ZNF582: variants seen among roughly 807,000 people sequenced by gnomAD.
ZNF582 encodes zinc finger protein 582.
Under a neutral mutation model 12.3 loss-of-function variants are expected in ZNF582, and 14 were observed. That is an observed-to-expected ratio of 1.14 (90% CI 0.75 to 1.78). ZNF582 has a LOEUF of 1.78. Ranked by LOEUF, ZNF582 falls within the 40% of genes most tolerant of loss-of-function variation. The pLI, the probability that ZNF582 is intolerant of heterozygous loss-of-function variation, is 0.00. For missense variants in ZNF582, 567 were observed against 616.5 expected, an observed-to-expected ratio of 0.92 and a Z score of 0.85; for synonymous variants, 210 against 207.2, an observed-to-expected ratio of 1.01 and a Z score of -0.11.
intron 4 of ZNF582, among the ~76,000 whole-genome samples, chr19:56,388,797 T>A (rs1018535520): frequency 3.3e-5 from 5 of 152,140 alleles, no homozygotes; most frequent in African/African-American, 1.2e-4. Flanking sequence ...CACACCCGGC[T>A]AATTTTTGTG....
chr19:56,391,647 T>C, intron 2 of ZNF582, 97 bp downstream of exon 2: 1 of 1,107,862 alleles, frequency 9.0e-7, no homozygotes. Flanking sequence ...TTTTATTCCC[T>C]AAAATGGGAA....
At chr19:56,390,794 T>A (rs2042008672) in intron 2 of ZNF582, among the ~76,000 whole-genome samples, 1 of 152,210 alleles carries the variant, frequency 6.6e-6, no homozygotes. Context: ...TAAAGCACAC[T>A]GCCCACTCTA....
In ZNF582 at chr19:56,385,190, A is replaced by C. The variant is rs184672372; in HGVS notation, c.233-6T>G. 1.5e-4 allele frequency: 228 copies of C among 1,559,440 alleles called. No individual in the cohort carries two copies. In the African/African-American group the frequency reaches 2.6e-3, roughly 18 times the overall value. ...ATCATATCTGGACTCCAATACTAAG[A>C]ATGAAAAAAAGCGAATATGTTTGGC... On this transcript the variant is annotated splice_region_variant and splice_polypyrimidine_tract_variant and intron_variant, in intron 4 of 4. Coordinates refer to ENST00000586929, the Ensembl canonical transcript of ZNF582.
At chr19:56,385,312 G>A in intron 4 of ZNF582, 128 bp from the exon 5 acceptor site, 1 of 949,938 alleles carries the variant, frequency 1.1e-6, no homozygotes, top group Non-Finnish European at 1.5e-6. Flanking sequence ...ATTATAAAAT[G>A]GACAAGTAGA....
chr19:56,390,458 T>C, exon 3 of ZNF582: 2 of 1,614,096 alleles, frequency 1.2e-6, no homozygotes, highest in Non-Finnish European at 1.7e-6. Context: ...CTGCCATTCT[T>C]CTTGGGAGAA....
chr19:56,389,931 G>A, intron 4 of ZNF582, 70 bp downstream of exon 4: 1 of 1,314,402 alleles, frequency 7.6e-7, no homozygotes, highest in East Asian at 2.3e-5. Flanking sequence ...GATCTTCTAA[G>A]ACAAAGGGCC....
At chr19:56,390,257 C>G in intron 3 of ZNF582, 118 bp downstream of exon 3, 1 of 1,502,216 alleles carries the variant, frequency 6.7e-7, no homozygotes, top group Non-Finnish European at 9.1e-7. Context: ...CCGACAGCGC[C>G]GCCCTTTAAC....
chr19:56,385,414 G>A (rs1300137467), intron 4 of ZNF582, among the ~76,000 whole-genome samples: 1 of 152,178 alleles, frequency 6.6e-6, no homozygotes, highest in Non-Finnish European at 1.5e-5. Flanking sequence ...GGCTGGGCAT[G>A]GTGGCTCATG....
intron 1 of ZNF582, among the ~76,000 whole-genome samples, chr19:56,392,033 A>G (rs76987529): frequency 2.7e-3 from 405 of 152,272 alleles, no homozygotes; most frequent in African/African-American, 9.2e-3. Context: ...TTTCCCTCCC[A>G]TTTCCCCTAA....
At chr19:56,389,882 C>CTGT in intron 4 of ZNF582, 119 bp downstream of exon 4, 1 of 719,064 alleles carries the variant, frequency 1.4e-6, no homozygotes, top group Non-Finnish European at 2.3e-6. Flanking sequence ...GAAAACAACA[C>CTGT]GTAAGACATA....
At position 56,384,701 on chromosome 19, in the gene ZNF582, C is replaced by T. The variant is rs190884548; in HGVS notation, c.716G>A (p.Gly239Asp). 5.6e-6 allele frequency: 9 copies of T among 1,612,666 alleles called. No individual in the cohort carries two copies. The East Asian group carries it at 2.0e-4, about 36-fold the overall frequency. The stretch of plus-strand genomic sequence containing the variant: ...TCTCTGATGTTGTATAAAATTTGAA[C>T]CAGAATTGAAGGCCTTTCCACATTC... Residue 239 changes from glycine to aspartate, a missense_variant, in exon 5 of 5, where the codon GGT becomes GAT. Physicochemically the swap from Gly to Asp is moderately conservative, Grantham distance 94 (BLOSUM62 -1). Coordinates refer to ENST00000586929, the Ensembl canonical transcript of ZNF582.
Position 56,385,112 on chromosome 19 carries a change from C to T in ZNF582, c.305G>A (p.Trp102Ter), listed in dbSNP as rs1224185881. 6.2e-7 allele frequency: 1 copy of T among 1,613,610 alleles called. No individual in the cohort carries two copies. Among genetic ancestry groups the T allele is most frequent in the Admixed American group, 1.7e-5 (1 of 60,000 alleles). The change falls in exon 5 of 5, where the codon TGG (tryptophan) becomes TAG (stop). Residue 102 changes from tryptophan to a stop codon, truncating the protein, a stop_gained. Coordinates refer to ENST00000586929, the Ensembl canonical transcript of ZNF582. LOFTEE classifies it low-confidence loss of function (END_TRUNC). ...ACTTGTAAGGCTTTCCATTATCTCC[C>T]ATTGGGGTGATTCGACTTCATAAAC...
intron 4 of ZNF582, 98 bp downstream of exon 4, chr19:56,389,903 G>A (rs1372770749): frequency 6.6e-5 from 60 of 915,412 alleles, no homozygotes; most frequent in Non-Finnish European, 7.1e-5. Context: ...AGCTTTGAAG[G>A]TAGCAACCTG....
Position 56,390,192 on chromosome 19 carries a change from G to C in ZNF582, c.137-96C>G. The stretch of plus-strand genomic sequence containing the variant: ...CATCAAGCAGGAGAGGCAGTTGCAG[G>C]AAGTGCCAGAGGAAGATGGGACAGT... On this transcript the variant is annotated intron_variant, in intron 3 of 4. Coordinates refer to ENST00000586929, the Ensembl canonical transcript of ZNF582. The C allele has an allele frequency of 4.4e-6, 6 of 1,370,982 alleles. No individual in the cohort carries two copies. The Middle Eastern group carries it at 8.5e-4, about 195-fold the overall frequency. 84.9% of individuals were successfully genotyped at this position (1,370,982 alleles called of 1,614,324 possible).
At chr19:56,386,874 A>G (rs571673298) in intron 4 of ZNF582, among the ~76,000 whole-genome samples, 11 of 152,240 alleles carry the variant, frequency 7.2e-5, no homozygotes, top group Non-Finnish European at 1.5e-4. Flanking sequence ...TGAGAATTTG[A>G]TTCTGTCCTA....
intron 3 of ZNF582, 63 bp from the exon 4 acceptor site, chr19:56,390,159 G>A (rs2042003102): frequency 6.7e-7 from 1 of 1,489,536 alleles, no homozygotes; most frequent in Non-Finnish European, 9.3e-7. Context: ...TCAGATCCAG[G>A]ACCTGGTCAT....
intron 4 of ZNF582, among the ~76,000 whole-genome samples, chr19:56,385,776 T>A (rs1292002417): frequency 1.3e-5 from 2 of 151,520 alleles, no homozygotes; most frequent in Non-Finnish European, 2.9e-5. Context: ...AAATATAGAG[T>A]GACAGAAACC....
intron 2 of ZNF582, among the ~76,000 whole-genome samples, chr19:56,391,513 G>A (rs1489468213): frequency 1.3e-5 from 2 of 152,098 alleles, no homozygotes; most frequent in Non-Finnish European, 2.9e-5. Context: ...TTTCATACAG[G>A]GAAATGAGTT....
exon 3 of ZNF582, chr19:56,390,397 G>C (rs758347292): frequency 7.4e-6 from 12 of 1,614,150 alleles, no homozygotes; most frequent in Non-Finnish European, 1.0e-5. Flanking sequence ...GGTTGCTGTA[G>C]GTCTCCAACA....
Sources: allele counts gnomAD v4.1 joint callset (sites outside exome capture counted in the v4.1 genomes callset), GRCh38; gene constraint gnomAD v4.1.1; transcripts MANE v1.5; gene names NCBI Gene and HGNC (gene_info 2026-07-23, HGNC 2026-07-21).